Variants in TXLNB observed in about 807,000 individuals in gnomAD.
TXLNB encodes taxilin beta.
In TXLNB, 37 loss-of-function variants were observed where a neutral mutation model predicts 57.4. That is an observed-to-expected ratio of 0.64 (90% CI 0.50 to 0.85). The LOEUF is 0.85. TXLNB is among the 40% of genes least tolerant of loss of function. The pLI, the probability that TXLNB is intolerant of heterozygous loss-of-function variation, is 0.00. For synonymous variants in TXLNB, 302 were observed against 309.6 expected (o/e 0.98, Z 0.26); for missense variants, 848 against 825.6 (o/e 1.03, Z -0.33).
At chr6:139,300,925 T>C in the TXLNB span, among the ~76,000 whole-genome samples, 1 of 152,120 alleles carries the variant, frequency 6.6e-6, no homozygotes, top group South Asian at 2.1e-4. Flanking sequence ...CCCTTGTGTG[T>C]TCCTTAATTC....
the TXLNB span, among the ~76,000 whole-genome samples, chr6:139,229,778 T>C: frequency 6.6e-6 from 1 of 152,218 alleles, no homozygotes; most frequent in Non-Finnish European, 1.5e-5. Flanking sequence ...ACTCACATTA[T>C]TTGGGACTGC....
At chr6:139,273,012 T>C (rs112005694) in intron 3 of TXLNB, among the ~76,000 whole-genome samples, 6,797 of 151,954 alleles carry the variant, frequency 0.045, 499 homozygotes, top group African/African-American at 0.16. Context: ...CCAGCCTGGG[T>C]GACAAGAGCA....
chr6:139,269,752 T>C (rs1436816909), intron 4 of TXLNB, among the ~76,000 whole-genome samples: 1 of 152,158 alleles, frequency 6.6e-6, no homozygotes, highest in Non-Finnish European at 1.5e-5. Context: ...GGAAAGGGGA[T>C]TGGGGATGCA....
the TXLNB span, among the ~76,000 whole-genome samples, chr6:139,215,718 A>G: frequency 6.6e-6 from 1 of 152,238 alleles, no homozygotes; most frequent in Non-Finnish European, 1.5e-5. Context: ...AATTTTTGCA[A>G]CCTACTCATT....
the TXLNB span, among the ~76,000 whole-genome samples, chr6:139,229,553 C>A: frequency 6.6e-6 from 1 of 152,254 alleles, no homozygotes; most frequent in Non-Finnish European, 1.5e-5. Context: ...GAACTCCTGA[C>A]CTTAGGTGAT....
chr6:139,235,726 G>C (rs756819471), downstream of TXLNB, among the ~76,000 whole-genome samples: 24 of 151,976 alleles, frequency 1.6e-4, no homozygotes, highest in Non-Finnish European at 2.8e-4. Context: ...CCGAGGTGAG[G>C]ACAGGCACTC....
intron 2 of TXLNB, among the ~76,000 whole-genome samples, chr6:139,280,251 T>TAA (rs11313271): frequency 1.5e-3 from 120 of 78,226 alleles, no homozygotes; most frequent in Non-Finnish European, 2.3e-3. Context: ...ACTCTCTCTC[T>TAA]AAAAAAAAAA....
chr6:139,309,451 TTTTC>T, the TXLNB span, among the ~76,000 whole-genome samples: 1 of 152,194 alleles, frequency 6.6e-6, no homozygotes, highest in Non-Finnish European at 1.5e-5. Context: ...TGTTAATTCC[TTTTC>T]TTTCTTCTTT....
chr6:139,202,989 T>A, the TXLNB span, among the ~76,000 whole-genome samples: 1 of 152,176 alleles, frequency 6.6e-6, no homozygotes, highest in Admixed American at 6.5e-5. Context: ...TCACTTAATA[T>A]CCTCTAATCT....
upstream of TXLNB, among the ~76,000 whole-genome samples, chr6:139,293,615 T>C (rs1026130875): frequency 2.0e-5 from 3 of 152,056 alleles, no homozygotes; most frequent in African/African-American, 7.2e-5. Context: ...AGCAAACTTA[T>C]GTTATTTTTA....
the TXLNB span, among the ~76,000 whole-genome samples, chr6:139,229,794 A>C: frequency 5.3e-5 from 8 of 152,212 alleles, no homozygotes; most frequent in African/African-American, 1.9e-4. Flanking sequence ...ACTGCTGTGC[A>C]TGGTGACAAT....
the TXLNB span, chr6:139,183,417 C>G: frequency 6.6e-6 from 1 of 152,160 alleles, no homozygotes; most frequent in African/African-American, 2.4e-5. Flanking sequence ...GAGATCGTTG[C>G]CAGTTGTGCA....
the TXLNB span, among the ~76,000 whole-genome samples, chr6:139,167,823 A>G: frequency 6.6e-6 from 1 of 152,200 alleles, no homozygotes; most frequent in Non-Finnish European, 1.5e-5. Flanking sequence ...TTGAAAGCTC[A>G]GACATTAGCC....
chr6:139,251,143 A>T (rs551133536), intron 7 of TXLNB, among the ~76,000 whole-genome samples: 311 of 152,250 alleles, frequency 2.0e-3, no homozygotes, highest in Non-Finnish European at 3.3e-3. Flanking sequence ...TTTTCTAGTT[A>T]TGGTTTTCAT....
chr6:139,282,896 G>C (rs920708956), intron 2 of TXLNB, among the ~76,000 whole-genome samples: 2 of 145,018 alleles, frequency 1.4e-5, no homozygotes, highest in Non-Finnish European at 3.1e-5. Context: ...AAAATTAGTA[G>C]GTTGACTAGA....
At chr6:139,160,553 A>AT in the TXLNB span, among the ~76,000 whole-genome samples, 1 of 152,118 alleles carries the variant, frequency 6.6e-6, no homozygotes, top group Non-Finnish European at 1.5e-5. Flanking sequence ...AGCTGGGACT[A>AT]TAGGCACATG....
At chr6:139,232,553 A>G in the TXLNB span, among the ~76,000 whole-genome samples, 1 of 152,190 alleles carries the variant, frequency 6.6e-6, no homozygotes, top group African/African-American at 2.4e-5. Context: ...GGATTTCTGA[A>G]TACTTTATGG....
At chr6:139,221,117 A>G in the TXLNB span, among the ~76,000 whole-genome samples, 1 of 152,200 alleles carries the variant, frequency 6.6e-6, no homozygotes, top group Non-Finnish European at 1.5e-5. Context: ...ATGAAGTAAC[A>G]TTGGGACTGG....
At chr6:139,162,906 T>C in the TXLNB span, among the ~76,000 whole-genome samples, 2 of 152,150 alleles carry the variant, frequency 1.3e-5, no homozygotes, top group African/African-American at 2.4e-5. Flanking sequence ...GTGTTAAGGC[T>C]CAGCCTCTGC....
Sources: allele counts gnomAD v4.1 joint callset (sites outside exome capture counted in the v4.1 genomes callset), GRCh38; gene constraint gnomAD v4.1.1; transcripts MANE v1.5; gene names NCBI Gene and HGNC (gene_info 2026-07-23, HGNC 2026-07-21).